UGT8: variants seen among roughly 807,000 people sequenced by gnomAD.
UGT8 encodes the protein UDP glycosyltransferase 8, also known as 2-hydroxyacylsphingosine 1-beta-galactosyltransferase.
A neutral mutation model predicts 40.5 loss-of-function variants in UGT8; 12 were observed. The observed-to-expected ratio is 0.30, with a 90% CI of 0.19 to 0.48. The LOEUF is 0.48. Among genes scored for constraint, UGT8 ranks in the 20% least tolerant of loss-of-function variants. The pLI is 0.99. For missense variants in UGT8, 513 were observed against 648.7 expected (o/e 0.79, Z 2.27); for synonymous variants, 224 against 240.4 (o/e 0.93, Z 0.63).
At chr4:114,625,509 TAA>T (rs767102968) in intron 2 of UGT8, among the ~76,000 whole-genome samples, 5,943 of 75,032 alleles carry the variant, frequency 0.079, 200 homozygotes, top group African/African-American at 0.17. Context: ...AGACCCTGTC[TAA>T]AAAAAAAAAA....
intron 2 of UGT8, among the ~76,000 whole-genome samples, chr4:114,640,652 T>C (rs1314158967): frequency 6.6e-6 from 1 of 152,020 alleles, no homozygotes; most frequent in African/African-American, 2.4e-5. Context: ...ACAGTTCCAT[T>C]TGGCTGGGGA....
At chr4:114,660,848 A>G (rs988013580) in intron 2 of UGT8, among the ~76,000 whole-genome samples, 2 of 150,502 alleles carry the variant, frequency 1.3e-5, no homozygotes, top group African/African-American at 2.5e-5. Flanking sequence ...CCGAGATCGC[A>G]CCACTGCACT....
chr4:114,665,548 A>G lies in UGT8; in HGVS notation c.966-132A>G, dbSNP rs576349725. 4.1e-5 allele frequency: 52 copies of G among 1,278,812 alleles called. No individual in the cohort carries two copies. In the African/African-American group the frequency reaches 6.8e-4, roughly 17 times the overall value. 79.2% of individuals were successfully genotyped at this position (1,278,812 alleles called of 1,614,324 possible). A position where few individuals can be genotyped will look rare whatever the true frequency, so the allele number is the denominator to read the frequency against. On this transcript the variant is annotated intron_variant, in intron 3 of 5. Coordinates refer to ENST00000310836, the MANE Select transcript of UGT8 (RefSeq NM_001128174.3). ...ATCAAATATTTGCTGTTACCAAAGCATGGTTTCATTCTTAAGAATATCAAC... is the reference window on the plus strand; with the variant it reads ...ATCAAATATTTGCTGTTACCAAAGCGTGGTTTCATTCTTAAGAATATCAAC...
At chr4:114,647,082 A>G (rs1308025423) in intron 2 of UGT8, among the ~76,000 whole-genome samples, 1 of 152,170 alleles carries the variant, frequency 6.6e-6, no homozygotes, top group Admixed American at 6.5e-5. Flanking sequence ...TTCAGTGGTA[A>G]ATAATTTATT....
chr4:114,643,370 A>G (rs1480551083), intron 2 of UGT8, among the ~76,000 whole-genome samples: 1 of 152,202 alleles, frequency 6.6e-6, no homozygotes. Flanking sequence ...GTCCTTTAAA[A>G]AAATAGCACC....
chr4:114,628,865 A>G (rs1003411719), intron 2 of UGT8, among the ~76,000 whole-genome samples: 4 of 150,390 alleles, frequency 2.7e-5, no homozygotes, highest in African/African-American at 9.7e-5. Context: ...CTTGGGGACA[A>G]TGAGAGATTG....
At chr4:114,658,289 C>T (rs564937393) in intron 2 of UGT8, among the ~76,000 whole-genome samples, 3 of 152,260 alleles carry the variant, frequency 2.0e-5, no homozygotes, top group Admixed American at 2.0e-4. Context: ...CACCCACCCC[C>T]CTCATCTCCC....
At chr4:114,667,987 C>T (rs539504794) in intron 4 of UGT8, 98 bp from the exon 5 acceptor site, 3 of 1,494,498 alleles carry the variant, frequency 2.0e-6, no homozygotes, top group East Asian at 4.7e-5. Flanking sequence ...ATCTGAAATG[C>T]ATGTTTACTG....
intron 2 of UGT8, among the ~76,000 whole-genome samples, chr4:114,640,443 A>C (rs532458755): frequency 1.3e-5 from 2 of 150,904 alleles, no homozygotes; most frequent in Non-Finnish European, 3.0e-5. Context: ...GACATCCAAA[A>C]TAAAATAAGA....
rs774311331 is a variant in UGT8, at chr4:114,623,514, C to G, written c.634C>G (p.Leu212Val). 5 of 1,614,132 alleles carry G rather than the reference C, an allele frequency of 3.1e-6. No homozygotes were observed. Among genetic ancestry groups the G allele is most frequent in the Non-Finnish European group, 2.5e-6 (3 of 1,180,022 alleles). ...ISRLGVSFLV[L>V]PKYERIMQKY... ...CAGATTAGGGGTCAGCTTTCTGGTT[C>G]TTCCCAAATATGAAAGGATAATGCA... The change falls in exon 2 of 6, where the codon CTT (leucine) becomes GTT (valine). Residue 212 changes from leucine to valine, a missense_variant. Leu to Val is a conservative substitution (Grantham distance 32). Transcript: ENST00000310836.
At chr4:114,614,223 GCAA>G (rs1180432148) in intron 1 of UGT8, among the ~76,000 whole-genome samples, 10 of 152,248 alleles carry the variant, frequency 6.6e-5, no homozygotes, top group Admixed American at 4.6e-4. Flanking sequence ...TGGTACAACA[GCAA>G]CAACAACTGT....
intron 2 of UGT8, among the ~76,000 whole-genome samples, chr4:114,645,815 GATAGATTAGTGAA>G (rs1459120728): frequency 6.6e-6 from 1 of 152,132 alleles, no homozygotes; most frequent in Non-Finnish European, 1.5e-5. Context: ...GTTGTATAGG[GATAGATTAGTGAA>G]ATAGGTAGAT....
At chr4:114,636,415 A>G (rs1732890364) in intron 2 of UGT8, among the ~76,000 whole-genome samples, 1 of 152,240 alleles carries the variant, frequency 6.6e-6, no homozygotes, top group Non-Finnish European at 1.5e-5. Flanking sequence ...AGAAAATCAA[A>G]CCGGACAAAG....
chr4:114,599,498 G>C (rs560058965), intron 1 of UGT8, among the ~76,000 whole-genome samples: 1 of 152,320 alleles, frequency 6.6e-6, no homozygotes, highest in South Asian at 2.1e-4. Flanking sequence ...GGGATGTGTT[G>C]GGGGTGGGGA....
At chr4:114,659,975 G>A (rs1734416195) in intron 2 of UGT8, among the ~76,000 whole-genome samples, 1 of 152,204 alleles carries the variant, frequency 6.6e-6, no homozygotes, top group Admixed American at 6.5e-5. Flanking sequence ...AATAACTAAT[G>A]TTGACAAGAC....
intron 3 of UGT8, 99 bp from the exon 4 acceptor site, chr4:114,665,581 C>A (rs934901033): frequency 7.3e-6 from 9 of 1,229,118 alleles, no homozygotes; most frequent in African/African-American, 1.6e-5. Flanking sequence ...AACAAAAGAT[C>A]ATCAAACATT....
rs1177614112 is a variant in UGT8 at position 114,673,677 on chromosome 4, G to A, written c.1263-2248G>A. On this transcript the variant is annotated intron_variant, in intron 5 of 5. Transcript: ENST00000310836. Reference sequence around the variant, plus strand: ...TTAAGGTACCTGAAGACTTAAGATTGTTTTTATCCTTCTTTTCCATCTTTG... The same window carrying A: ...TTAAGGTACCTGAAGACTTAAGATTATTTTTATCCTTCTTTTCCATCTTTG... Among the ~76,000 whole-genome samples the A allele has an allele frequency of 2.0e-5, 3 of 152,110 alleles. No homozygotes were observed. In the East Asian group the frequency reaches 5.8e-4, roughly 29 times the overall value.
intron 2 of UGT8, among the ~76,000 whole-genome samples, chr4:114,640,991 G>A (rs1041922749): frequency 6.6e-6 from 1 of 152,070 alleles, no homozygotes; most frequent in South Asian, 2.1e-4. Flanking sequence ...GATCTTTGTG[G>A]CATTTTAGTC....
chr4:114,637,367 CTG>C (rs1267014593), intron 2 of UGT8, among the ~76,000 whole-genome samples: 4 of 152,268 alleles, frequency 2.6e-5, no homozygotes, highest in African/African-American at 7.2e-5. Context: ...GCTGTTTAGA[CTG>C]TACATATTTT....
Sources: gnomAD v4.1 joint callset for allele counts (sites outside exome capture counted in the v4.1 genomes callset) on GRCh38, gnomAD v4.1.1 for gene constraint, MANE v1.5 for transcripts, NCBI Gene and HGNC (gene_info 2026-07-23, HGNC 2026-07-21) for gene names.